The following DNAH14 variants were observed in gnomAD, a reference collection of about 807,000 sequenced individuals.
The protein encoded by DNAH14 is dynein axonemal heavy chain 14, also known as axonemal beta dynein heavy chain 14.
In DNAH14, 478 loss-of-function variants were observed where a neutral mutation model predicts 520.9. That is an observed-to-expected ratio of 0.92 (90% CI 0.85 to 0.99). DNAH14 has a LOEUF of 0.99. Among genes scored for constraint, DNAH14 ranks in the 50% least tolerant of loss-of-function variants. DNAH14 has a pLI of 0.00. For synonymous variants in DNAH14, 1,581 were observed against 1,757.2 expected, an observed-to-expected ratio of 0.90 and a Z score of 2.51; for missense variants, 4,831 against 5,234.5, an observed-to-expected ratio of 0.92 and a Z score of 2.38.
intron 73 of DNAH14, 160 bp downstream of exon 73, chr1:225,354,048 T>G: frequency 1.5e-6 from 1 of 675,086 alleles, no homozygotes; most frequent in Non-Finnish European, 2.7e-6. Flanking sequence ...CTCCCCTTAA[T>G]GCTTCTTTCA....
chr1:225,115,257 G>A (rs926031218), intron 23 of DNAH14, among the ~76,000 whole-genome samples: 14 of 152,174 alleles, frequency 9.2e-5, no homozygotes, highest in African/African-American at 2.9e-4. Context: ...GGTCAGACGC[G>A]AAGCCAGCAC....
chr1:225,107,507 C>T (rs1454145997), intron 23 of DNAH14, among the ~76,000 whole-genome samples: 1 of 152,132 alleles, frequency 6.6e-6, no homozygotes, highest in Non-Finnish European at 1.5e-5. Flanking sequence ...CCGGCTTAGA[C>T]AAAACGACAT....
At chr1:225,164,986 T>G (rs2081909491) in intron 35 of DNAH14, among the ~76,000 whole-genome samples, 1 of 152,174 alleles carries the variant, frequency 6.6e-6, no homozygotes, top group Admixed American at 6.5e-5. Flanking sequence ...ATCTTCAATT[T>G]ATTCCTCTGT....
intron 12 of DNAH14, 21 bp from the exon 13 acceptor site, chr1:225,042,808 GCACCCT>G: frequency 4.6e-6 from 7 of 1,529,122 alleles, no homozygotes; most frequent in Non-Finnish European, 6.2e-6. Flanking sequence ...GTTGTCACTG[GCACCCT>G]CACATTATCC....
chr1:225,117,263 A>G (rs1166741915), intron 23 of DNAH14, among the ~76,000 whole-genome samples: 1 of 152,068 alleles, frequency 6.6e-6, no homozygotes, highest in Non-Finnish European at 1.5e-5. Flanking sequence ...CTATAAAGTG[A>G]TAACCACACC....
intron 7 of DNAH14, among the ~76,000 whole-genome samples, chr1:224,971,101 T>C (rs545273000): frequency 2.6e-5 from 4 of 152,212 alleles, no homozygotes; most frequent in Non-Finnish European, 5.9e-5. Context: ...TAAAAATTTA[T>C]CTAGTTTTAA....
In DNAH14 at chr1:225,097,140, A is replaced by G. The variant is rs984295446; in HGVS notation, c.3596A>G (p.Gln1199Arg). 6.5e-7 allele frequency: 1 copy of G among 1,549,664 alleles called. No homozygotes were observed. Among genetic ancestry groups the G allele is most frequent in the Non-Finnish European group, 8.7e-7 (1 of 1,145,900 alleles). The part of the protein sequence containing the change: ...PIKDLVNEWD[Q>R]NLTLFSYTLE... Reference sequence around the variant, plus strand: ...TAGGATCTTGTGAATGAATGGGATCAAAACTTGACTCTCTTCTCTTACACC... The same window carrying G: ...TAGGATCTTGTGAATGAATGGGATCGAAACTTGACTCTCTTCTCTTACACC... Residue 1199 changes from glutamine to arginine, a missense_variant, in exon 22 of 86, where the codon CAA (glutamine) becomes CGA (arginine). Physicochemically the swap from Gln to Arg is conservative, Grantham distance 43. Transcript: ENST00000682510.
intron 39 of DNAH14, among the ~76,000 whole-genome samples, chr1:225,205,412 G>T (rs1344003138): frequency 6.6e-6 from 1 of 152,196 alleles, no homozygotes; most frequent in Non-Finnish European, 1.5e-5. Flanking sequence ...CTAGTGCCAT[G>T]ATCTTGGACT....
chr1:225,031,960 C>T (rs906750953), intron 11 of DNAH14, among the ~76,000 whole-genome samples: 16 of 151,788 alleles, frequency 1.1e-4, no homozygotes, highest in African/African-American at 3.6e-4. Flanking sequence ...AAAGAGTTCC[C>T]TCGGTTTTTA....
intron 1 of DNAH14, among the ~76,000 whole-genome samples, chr1:224,934,731 T>C (rs967745651): frequency 6.6e-6 from 1 of 151,800 alleles, no homozygotes; most frequent in Admixed American, 6.6e-5. Context: ...CGGCACATTA[T>C]GATCAGACTG....
At chr1:225,185,104 T>G (rs1016746065) in intron 36 of DNAH14, among the ~76,000 whole-genome samples, 187 bp from the exon 37 acceptor site, 1 of 150,396 alleles carries the variant, frequency 6.6e-6, no homozygotes, top group African/African-American at 2.4e-5. Context: ...GGACACAAAA[T>G]CAATGTAAAA....
At chr1:225,382,357 G>C (rs1452592434) in intron 81 of DNAH14, among the ~76,000 whole-genome samples, 1 of 152,140 alleles carries the variant, frequency 6.6e-6, no homozygotes, top group Non-Finnish European at 1.5e-5. Context: ...AAGTTAAACA[G>C]ATTTACCATT....
At chr1:225,206,472 G>A (rs934175432) in intron 40 of DNAH14, among the ~76,000 whole-genome samples, 19 of 152,144 alleles carry the variant, frequency 1.2e-4, no homozygotes, top group Admixed American at 7.2e-4. Context: ...TTTTTCAATA[G>A]AGGAAGATGG....
At chr1:225,335,548 T>TGTAC in intron 66 of DNAH14, among the ~76,000 whole-genome samples, 1 of 99,078 alleles carries the variant, frequency 1.0e-5, no homozygotes, top group East Asian at 4.7e-4. Context: ...TATATACGTA[T>TGTAC]ATACATATGT....
intron 17 of DNAH14, among the ~76,000 whole-genome samples, chr1:225,075,354 A>G (rs781557625): frequency 2.0e-5 from 3 of 151,898 alleles, no homozygotes; most frequent in Non-Finnish European, 2.9e-5. Context: ...GGATGTTTCA[A>G]TTGAAGGTAC....
At chr1:225,014,945 T>TC (rs1269937653) in intron 10 of DNAH14, among the ~76,000 whole-genome samples, 12 of 152,224 alleles carry the variant, frequency 7.9e-5, no homozygotes, top group Non-Finnish European at 1.5e-4. Context: ...CCTTTAGATC[T>TC]GACAATATTT....
intron 25 of DNAH14, 62 bp downstream of exon 25, chr1:225,118,061 T>A: frequency 8.1e-7 from 1 of 1,240,062 alleles, no homozygotes; most frequent in Non-Finnish European, 1.2e-6. Flanking sequence ...AATCTCTGCT[T>A]TGAAATTTTT....
chr1:225,130,567 A>C (rs984209744), intron 27 of DNAH14, among the ~76,000 whole-genome samples: 19 of 133,826 alleles, frequency 1.4e-4, no homozygotes, highest in Non-Finnish European at 3.0e-4. Context: ...AAATATCGCA[A>C]GGATAAAAAA....
chr1:225,004,627 A>G (rs910995705), intron 9 of DNAH14, among the ~76,000 whole-genome samples: 2 of 152,194 alleles, frequency 1.3e-5, no homozygotes, highest in Admixed American at 1.3e-4. Context: ...GGTGATTGTT[A>G]TGAGGGCAAT....
Sources: allele counts gnomAD v4.1 joint callset (sites outside exome capture counted in the v4.1 genomes callset), GRCh38; gene constraint gnomAD v4.1.1; transcripts MANE v1.5; gene names NCBI Gene and HGNC (gene_info 2026-07-23, HGNC 2026-07-21).